Variants in EFCAB5 observed in about 807,000 individuals in gnomAD.
The protein encoded by EFCAB5 is EF-hand calcium-binding domain-containing protein 5.
EFCAB5 carries 131 observed loss-of-function variants against 167.9 expected under a neutral mutation model. That is an observed-to-expected ratio of 0.78 (90% CI 0.68 to 0.90). The LOEUF (loss-of-function observed/expected upper bound fraction) is 0.90. Among genes scored for constraint, EFCAB5 ranks in the 40% least tolerant of loss-of-function variants. The probability of loss-of-function intolerance (pLI) is 0.00; values close to 1 mark genes in which losing one functional copy is unlikely to be tolerated. For synonymous variants in EFCAB5, 574 were observed against 602.8 expected (o/e 0.95, Z 0.70); for missense variants, 1,663 against 1,745.2 (o/e 0.95, Z 0.84).
chr17:30,057,622 C>T (rs2070307703), intron 12 of EFCAB5, 54 bp from the exon 13 acceptor site: 1 of 1,495,010 alleles, frequency 6.7e-7, no homozygotes, highest in African/African-American at 1.4e-5. Context: ...ATTTATTTTC[C>T]CTAACTGAAA....
At chr17:29,980,577 C>T (rs1345923824) in intron 4 of EFCAB5, among the ~76,000 whole-genome samples, 1 of 152,268 alleles carries the variant, frequency 6.6e-6, no homozygotes, top group African/African-American at 2.4e-5. Context: ...TCCATGATAT[C>T]ATACTTGTCT....
Position 29,941,822 on chromosome 17 carries a change from A to G in EFCAB5, c.26A>G (p.Glu9Gly). Residue 9 changes from glutamate (E) to glycine (G), a missense_variant, in exon 1 of 23, where the codon GAA becomes GGA. Glu to Gly is a moderately conservative substitution (Grantham distance 98). Coordinates refer to ENST00000394835, the MANE Select transcript of EFCAB5 (RefSeq NM_198529.4). Reference sequence around the variant, plus strand: ...ATGAATGAGTCAGCATCTCAAGAGGAACTCAGACCTGCTCAGGTTCTTGTC... The same window carrying G: ...ATGAATGAGTCAGCATCTCAAGAGGGACTCAGACCTGCTCAGGTTCTTGTC... The part of the protein sequence containing the change: MNESASQE[E>G]LRPAQENRKE... The G allele has an allele frequency of 1.2e-6, 2 of 1,605,552 alleles. No individual in the cohort carries two copies. The highest frequency in any genetic ancestry group is 1.7e-6 in the Non-Finnish European group (2 of 1,175,398).
intron 14 of EFCAB5, among the ~76,000 whole-genome samples, chr17:30,067,138 G>C (rs1392992182): frequency 6.6e-6 from 1 of 152,144 alleles, no homozygotes. Context: ...GAAGAGGAGG[G>C]AATTCTTCCA....
At chr17:29,937,022 T>C (rs138882620), upstream of EFCAB5, among the ~76,000 whole-genome samples, 34 of 152,292 alleles carry the variant, frequency 2.2e-4, 1 homozygote, top group African/African-American at 7.5e-4. Context: ...AAGGACTGTG[T>C]TGATTTGCTC....
intron 3 of EFCAB5, among the ~76,000 whole-genome samples, chr17:29,955,679 GA>G (rs1263497789): frequency 1.3e-5 from 2 of 151,860 alleles, no homozygotes; most frequent in African/African-American, 4.8e-5. Context: ...GACACAAATG[GA>G]AAAACATTTC....
chr17:29,937,732 T>C (rs1054998309), upstream of EFCAB5, among the ~76,000 whole-genome samples: 2 of 152,172 alleles, frequency 1.3e-5, no homozygotes, highest in African/African-American at 4.8e-5. Context: ...ATTCAGGGAC[T>C]GATGAAATCA....
chr17:30,092,830 T>A lies in EFCAB5; in HGVS notation c.4225-10T>A, dbSNP rs1327085041. 6.2e-7 allele frequency: 1 copy of A among 1,600,278 alleles called. No individual in the cohort carries two copies. The highest frequency in any genetic ancestry group is 8.5e-7 in the Non-Finnish European group (1 of 1,172,766). On this transcript the variant is annotated splice_polypyrimidine_tract_variant and intron_variant, in intron 21 of 22. Coordinates refer to ENST00000394835, the MANE Select transcript of EFCAB5 (RefSeq NM_198529.4). ...GATCCCATAAATTTTCTCTTGTTGTTTGTTCACAGTATGTTAACAAATATT... is the reference window on the plus strand; with the variant it reads ...GATCCCATAAATTTTCTCTTGTTGTATGTTCACAGTATGTTAACAAATATT...
At chr17:30,072,457 GT>G (rs1210651636) in intron 14 of EFCAB5, among the ~76,000 whole-genome samples, 1 of 152,130 alleles carries the variant, frequency 6.6e-6, no homozygotes, top group Non-Finnish European at 1.5e-5. Flanking sequence ...GTACACAAGA[GT>G]TTTTTAAAGA....
At chr17:30,083,635 G>A (rs1392516169) in intron 18 of EFCAB5, among the ~76,000 whole-genome samples, 1 of 152,196 alleles carries the variant, frequency 6.6e-6, no homozygotes, top group Non-Finnish European at 1.5e-5. Flanking sequence ...TGTATTTTTA[G>A]TAGAGGCGGG....
At chr17:29,985,878 T>A (rs1451776513) in intron 4 of EFCAB5, among the ~76,000 whole-genome samples, 1 of 152,132 alleles carries the variant, frequency 6.6e-6, no homozygotes, top group East Asian at 1.9e-4. Flanking sequence ...AGATTTGGGG[T>A]CCTGTTCCCA....
chr17:30,079,559 T>C (rs1161993451), intron 15 of EFCAB5, among the ~76,000 whole-genome samples: 1 of 152,210 alleles, frequency 6.6e-6, no homozygotes, highest in Non-Finnish European at 1.5e-5. Context: ...AAGTCTGCAA[T>C]CTTGGGCCAC....
intron 5 of EFCAB5, among the ~76,000 whole-genome samples, chr17:29,994,841 T>G (rs1281544333): frequency 6.6e-6 from 1 of 152,190 alleles, no homozygotes; most frequent in Admixed American, 6.5e-5. Context: ...AAGACACTTG[T>G]AAGTGATGAT....
intron 14 of EFCAB5, among the ~76,000 whole-genome samples, chr17:30,066,535 G>T (rs1182833449): frequency 6.6e-6 from 1 of 151,916 alleles, no homozygotes; most frequent in Non-Finnish European, 1.5e-5. Context: ...TGAAAGAGAA[G>T]TTTATAGAAA....
chr17:29,963,823 G>A (rs2067770361), intron 3 of EFCAB5, among the ~76,000 whole-genome samples: 2 of 152,238 alleles, frequency 1.3e-5, no homozygotes, highest in Middle Eastern at 3.4e-3. Flanking sequence ...GAGGTTTTTG[G>A]GTTATGGGGT....
chr17:29,933,730 G>C (rs964274524), intron 1 of EFCAB5, among the ~76,000 whole-genome samples: 1 of 152,164 alleles, frequency 6.6e-6, no homozygotes, highest in African/African-American at 2.4e-5. Flanking sequence ...TGGTTCTCAA[G>C]CTTTGAGAAC....
At chr17:29,971,956 T>C (rs761556785) in intron 4 of EFCAB5, among the ~76,000 whole-genome samples, 37 of 152,162 alleles carry the variant, frequency 2.4e-4, no homozygotes, top group Non-Finnish European at 3.7e-4. Flanking sequence ...TAATCAGTTA[T>C]AGTCTTTTTT....
chr17:29,999,812 A>C lies in EFCAB5; in HGVS notation c.974-94A>C, dbSNP rs889521646. ...AATTATGGTTAGACATTAGCTAATA[A>C]ATAATTTTATGTTCTTTTAAAGCAC... is the stretch of plus-strand genomic sequence containing the variant. On this transcript the variant is annotated intron_variant, in intron 6 of 22. Coordinates refer to ENST00000394835, the MANE Select transcript of EFCAB5 (RefSeq NM_198529.4). The C allele has an allele frequency of 3.6e-6, 3 of 824,666 alleles. No homozygotes were observed. In the African/African-American group the frequency reaches 5.2e-5, roughly 14 times the overall value. The allele number at this position is 824,666 out of a possible 1,614,324, so 51.1% of individuals were successfully genotyped here.
intron 22 of EFCAB5, among the ~76,000 whole-genome samples, chr17:30,099,463 G>C (rs1461189590): frequency 2.0e-5 from 3 of 152,018 alleles, no homozygotes; most frequent in African/African-American, 4.8e-5. Context: ...CTGTTAAGAA[G>C]TCTGAAGCCT....
At chr17:29,994,154 A>C (rs1360463262) in intron 5 of EFCAB5, among the ~76,000 whole-genome samples, 1 of 132,122 alleles carries the variant, frequency 7.6e-6, no homozygotes, top group Non-Finnish European at 1.6e-5. Flanking sequence ...ATATATATAT[A>C]TATATATATA....
Sources: gnomAD v4.1 joint callset for allele counts (sites outside exome capture counted in the v4.1 genomes callset) on GRCh38, gnomAD v4.1.1 for gene constraint, MANE v1.5 for transcripts, NCBI Gene and HGNC (gene_info 2026-07-23, HGNC 2026-07-21) for gene names.